Variants in CHL1 observed in about 807,000 individuals in gnomAD.
CHL1 encodes neural cell adhesion molecule L1-like protein.
CHL1 carries 96 observed loss-of-function variants against 141.9 expected under a neutral mutation model. The ratio of observed to expected loss-of-function variants is 0.68; its 90% confidence interval spans 0.57 to 0.80. The LOEUF (loss-of-function observed/expected upper bound fraction) is 0.80, where lower values mean the gene tolerates loss of function less well. Among genes scored for constraint, CHL1 ranks in the 30% least tolerant of loss-of-function variants. The probability of loss-of-function intolerance (pLI) is 0.00; values close to 1 mark genes in which losing one functional copy is unlikely to be tolerated. For missense variants in CHL1, 1,820 were observed against 1,457.2 expected (o/e 1.25, Z -4.05); for synonymous variants, 613 against 502.2 (o/e 1.22, Z -2.95).
rs140905081 is a variant in CHL1 at position 253,919 on chromosome 3, A to G, written c.-95+9227A>G. Among the ~76,000 whole-genome samples, 31 of 152,336 alleles carry G rather than the reference A, an allele frequency of 2.0e-4. No homozygotes were observed. In the East Asian group the frequency reaches 5.6e-3, roughly 27 times the overall value. On this transcript the variant is annotated intron_variant, in intron 2 of 27. Transcript: ENST00000256509. Reference sequence around the variant, plus strand: ...GACACAAATTTAACATTTATTGAGAACTTACACTGAGCTAGCCATCATGTT... The same window carrying G: ...GACACAAATTTAACATTTATTGAGAGCTTACACTGAGCTAGCCATCATGTT...
rs550422921 is a variant in CHL1, at chr3:283,767, C to A, written c.-94-35916C>A. ...CATCTCAATATAAGCCAGTATTATT[C>A]TCCCAATTGTAACAACCAAAAATGT... On this transcript the variant is annotated intron_variant, in intron 2 of 27. Coordinates refer to ENST00000256509, the MANE Select transcript of CHL1 (RefSeq NM_006614.4). Among the ~76,000 whole-genome samples the A allele has an allele frequency of 1.2e-4, 19 of 152,256 alleles. No individual in the cohort carries two copies. The South Asian group carries it at 3.9e-3, about 32-fold the overall frequency.
At chr3:271,673 G>A (rs1695648009) in intron 2 of CHL1, among the ~76,000 whole-genome samples, 1 of 152,214 alleles carries the variant, frequency 6.6e-6, no homozygotes, top group African/African-American at 2.4e-5. Flanking sequence ...AGCAGAGAAG[G>A]CTGATATTTT....
intron 2 of CHL1, among the ~76,000 whole-genome samples, chr3:268,407 C>T (rs1029269718): frequency 6.6e-6 from 1 of 152,054 alleles, no homozygotes. Context: ...CAGTGGTGGG[C>T]ACCTGTAATC....
chr3:391,321 G>C (rs1447391073), intron 22 of CHL1, among the ~76,000 whole-genome samples, 162 bp downstream of exon 22: 1 of 152,134 alleles, frequency 6.6e-6, no homozygotes, highest in East Asian at 1.9e-4. Context: ...TTCCAAACCA[G>C]CTTGGCCAAC....
At chr3:236,589 A>G (rs567917325) in intron 1 of CHL1, among the ~76,000 whole-genome samples, 1 of 152,288 alleles carries the variant, frequency 6.6e-6, no homozygotes, top group South Asian at 2.1e-4. Context: ...ATAGTAATAT[A>G]ATTCTATTGT....
chr3:380,623 C>T (rs536692748), intron 16 of CHL1, among the ~76,000 whole-genome samples: 2 of 152,290 alleles, frequency 1.3e-5, no homozygotes, highest in South Asian at 4.1e-4. Context: ...AATGCCAAAT[C>T]TCCCTGTTCT....
intron 2 of CHL1, among the ~76,000 whole-genome samples, chr3:314,712 G>C (rs1034079662): frequency 6.6e-6 from 1 of 151,978 alleles, no homozygotes; most frequent in Non-Finnish European, 1.5e-5. Flanking sequence ...GGTAGTGCAG[G>C]CTTCTTTTTA....
At chr3:395,903 A>G (rs1021381858) in intron 24 of CHL1, among the ~76,000 whole-genome samples, 1 of 152,200 alleles carries the variant, frequency 6.6e-6, no homozygotes, top group African/African-American at 2.4e-5. Flanking sequence ...TATTTATTGA[A>G]GATGTATATT....
chr3:326,053 T>G lies in CHL1; in HGVS notation c.186T>G (p.Asn62Lys). The change falls in exon 4 of 28, where the codon AAT becomes AAG. Residue 62 changes from asparagine (N) to lysine (K), a missense_variant. Coordinates refer to ENST00000256509, the MANE Select transcript of CHL1 (RefSeq NM_006614.4). ...AAATTGAATGTGAAGCTAAAGGAAA[T>G]CCAGAACCAACGTGAGTATTGTTTC... ...YFQIECEAKG[N>K]PEPTFSWTKD... The G allele has an allele frequency of 6.2e-7, 1 of 1,607,252 alleles. No homozygotes were observed. The highest frequency in any genetic ancestry group is 8.5e-7 in the Non-Finnish European group (1 of 1,174,750).
intron 11 of CHL1, among the ~76,000 whole-genome samples, chr3:359,339 C>T (rs1234713770): frequency 1.3e-5 from 2 of 151,800 alleles, no homozygotes; most frequent in Non-Finnish European, 2.9e-5. Context: ...AGTCTCTCTC[C>T]ATCACCCAGT....
At chr3:289,448 A>G (rs1378691973) in intron 2 of CHL1, among the ~76,000 whole-genome samples, 1 of 152,166 alleles carries the variant, frequency 6.6e-6, no homozygotes, top group African/African-American at 2.4e-5. Context: ...TATGAGAGCA[A>G]TTATAGAATC....
intron 15 of CHL1, among the ~76,000 whole-genome samples, chr3:376,767 C>T (rs1361105321): frequency 1.3e-5 from 2 of 152,096 alleles, no homozygotes; most frequent in African/African-American, 2.4e-5. Context: ...AGTAACATGA[C>T]CTGACATGTT....
At chr3:285,557 G>C (rs79673566) in intron 2 of CHL1, among the ~76,000 whole-genome samples, 1 of 152,070 alleles carries the variant, frequency 6.6e-6, no homozygotes, top group Non-Finnish European at 1.5e-5. Flanking sequence ...AGTCTCACTG[G>C]GCTCCAGAGA....
intron 2 of CHL1, among the ~76,000 whole-genome samples, chr3:249,801 C>G (rs568707343): frequency 6.6e-6 from 1 of 152,132 alleles, no homozygotes; most frequent in African/African-American, 2.4e-5. Flanking sequence ...TTATATCAAG[C>G]CTTATGTAAT....
At chr3:358,089 T>C (rs1241366049) in intron 11 of CHL1, among the ~76,000 whole-genome samples, 4 of 151,592 alleles carry the variant, frequency 2.6e-5, no homozygotes, top group Non-Finnish European at 5.9e-5. Flanking sequence ...TAAATTACCA[T>C]AAACTTAGTG....
chr3:242,165 A>G (rs911966236), intron 1 of CHL1, among the ~76,000 whole-genome samples: 1 of 152,156 alleles, frequency 6.6e-6, no homozygotes, highest in East Asian at 1.9e-4. Flanking sequence ...GAAAAACCAT[A>G]AGTACATGTG....
chr3:400,300 C>G (rs1355732318), intron 26 of CHL1, among the ~76,000 whole-genome samples: 1 of 152,078 alleles, frequency 6.6e-6, no homozygotes, highest in Non-Finnish European at 1.5e-5. Context: ...ATGCGTTTCA[C>G]TTTTTTCTCT....
intron 1 of CHL1, among the ~76,000 whole-genome samples, chr3:203,110 T>C (rs1426046617): frequency 6.6e-6 from 1 of 152,224 alleles, no homozygotes; most frequent in Non-Finnish European, 1.5e-5. Flanking sequence ...TTTCATCCTT[T>C]TTTTGGTTAT....
chr3:228,008 T>C (rs1454844617), intron 1 of CHL1, among the ~76,000 whole-genome samples: 1 of 152,202 alleles, frequency 6.6e-6, no homozygotes, highest in Non-Finnish European at 1.5e-5. Context: ...TGACTATCGA[T>C]CTATCCATCA....
Sources: gnomAD v4.1 joint callset for allele counts (sites outside exome capture counted in the v4.1 genomes callset) on GRCh38, gnomAD v4.1.1 for gene constraint, MANE v1.5 for transcripts, NCBI Gene and HGNC (gene_info 2026-07-23, HGNC 2026-07-21) for gene names.